Variants in UQCRC2 observed in about 807,000 individuals in gnomAD.
The protein encoded by UQCRC2 is ubiquinol-cytochrome c reductase core protein 2.
Under a neutral mutation model 55.6 loss-of-function variants are expected in UQCRC2, and 49 were observed. The observed-to-expected ratio is 0.88, with a 90% CI of 0.70 to 1.12. UQCRC2 has a LOEUF of 1.12. Ranked by LOEUF, UQCRC2 falls within the 50% of genes most tolerant of loss-of-function variation. UQCRC2 has a pLI of 0.00. For missense variants in UQCRC2, 506 were observed against 547.8 expected, an observed-to-expected ratio of 0.92 and a Z score of 0.76; for synonymous variants, 193 against 192.0, an observed-to-expected ratio of 1.01 and a Z score of -0.04.
intron 11 of UQCRC2, 93 bp from the exon 12 acceptor site, chr16:21,976,074 C>T (rs1898577507): frequency 1.3e-6 from 1 of 779,436 alleles, no homozygotes; most frequent in Non-Finnish European, 2.2e-6. Context: ...ACTAACCTTC[C>T]ATCTGTGTTT....
intron 6 of UQCRC2, among the ~76,000 whole-genome samples, 183 bp from the exon 7 acceptor site, chr16:21,965,225 G>A (rs1898297586): frequency 6.6e-6 from 1 of 152,100 alleles, no homozygotes; most frequent in Non-Finnish European, 1.5e-5. Flanking sequence ...TTTTTTCTCA[G>A]CACATTCTAC....
Position 21,983,396 on chromosome 16 carries a change from A to G in UQCRC2, c.*225A>G, listed in dbSNP as rs1898785628. ...ATGAGTTAATCAACAAGTATTTATTATGTGCTGATATCTTTGTTTTAGATG... is the reference window on the plus strand; with the variant it reads ...ATGAGTTAATCAACAAGTATTTATTGTGTGCTGATATCTTTGTTTTAGATG... On this transcript the variant is annotated 3_prime_UTR_variant, in exon 14 of 14. Coordinates refer to ENST00000268379, the MANE Select transcript of UQCRC2 (RefSeq NM_003366.4). 4.0e-6 allele frequency: 2 copies of G among 498,982 alleles called. No homozygotes were observed. Among genetic ancestry groups the G allele is most frequent in the Admixed American group, 7.5e-5 (2 of 26,742 alleles). The allele number at this position is 498,982 out of a possible 1,614,324, so 30.9% of individuals were successfully genotyped here.
intron 13 of UQCRC2, among the ~76,000 whole-genome samples, chr16:21,982,426 G>A (rs1196212756): frequency 2.0e-5 from 3 of 152,082 alleles, no homozygotes; most frequent in African/African-American, 7.2e-5. Flanking sequence ...TTGTAATACC[G>A]AAACAGGAAA....
chr16:21,965,322 G>C, intron 6 of UQCRC2, 86 bp from the exon 7 acceptor site: 1 of 1,304,470 alleles, frequency 7.7e-7, no homozygotes. Flanking sequence ...GACCAAATTT[G>C]TATAGGCTTG....
At chr16:21,969,355 G>T (rs568827419) in intron 8 of UQCRC2, among the ~76,000 whole-genome samples, 1 of 152,090 alleles carries the variant, frequency 6.6e-6, no homozygotes, top group South Asian at 2.1e-4. Flanking sequence ...CCAACATGGC[G>T]AAACCCCGTC....
At chr16:21,973,416 T>C (rs1453987078) in intron 10 of UQCRC2, among the ~76,000 whole-genome samples, 1 of 152,218 alleles carries the variant, frequency 6.6e-6, no homozygotes, top group African/African-American at 2.4e-5. Flanking sequence ...ATTCAGAGGT[T>C]AAACTCTTGA....
Position 21,953,400 on chromosome 16 carries a change from C to CGT in UQCRC2, c.-19_-18dup, listed in dbSNP as rs761657390. The CGT allele has an allele frequency of 4.3e-6, 7 of 1,612,104 alleles. No homozygotes were observed. In the Admixed American group the frequency reaches 1.0e-4, roughly 23 times the overall value. Reference sequence around the variant, plus strand: ...TGCTTTCCTTTAATCCGGCAGTGACCGTGTGTCAGAACAATCTTGAATCAT... The same window carrying CGT: ...TGCTTTCCTTTAATCCGGCAGTGACCGTGTGTGTCAGAACAATCTTGAATCAT... On this transcript the variant is annotated 5_prime_UTR_variant, in exon 1 of 14. Coordinates refer to ENST00000268379, the MANE Select transcript of UQCRC2 (RefSeq NM_003366.4).
Position 21,980,637 on chromosome 16 carries a change from T to A in UQCRC2, c.1215T>A (p.Ser405=). 6.2e-7 allele frequency: 1 copy of A among 1,614,228 alleles called. No homozygotes were observed. The highest frequency in any genetic ancestry group is 1.1e-5 in the South Asian group (1 of 91,086). Residue 405 remains serine (S), a synonymous_variant, in exon 13 of 14, where the codon TCT becomes TCA. Coordinates refer to ENST00000268379, the MANE Select transcript of UQCRC2 (RefSeq NM_003366.4). Reference sequence around the variant, plus strand: ...GGTCCCAGGCTCTAGTTGCTGGTTCTTACATGCCACCATCCACAGTCCTTC... The same window carrying A: ...GGTCCCAGGCTCTAGTTGCTGGTTCATACATGCCACCATCCACAGTCCTTC... ...EVGSQALVAG[S]YMPPSTVLQQ...
chr16:21,968,580 T>C, intron 7 of UQCRC2, 48 bp from the exon 8 acceptor site: 1 of 1,490,652 alleles, frequency 6.7e-7, no homozygotes, highest in Non-Finnish European at 9.1e-7. Flanking sequence ...TTTACAGCTT[T>C]TTATATTTAT....
chr16:21,959,651 T>C (rs1898155616), intron 4 of UQCRC2: 2 of 152,266 alleles, frequency 1.3e-5, no homozygotes, highest in Non-Finnish European at 2.9e-5. Context: ...GAATGGTGAA[T>C]TCTTTCCAGA....
At chr16:21,978,623 A>C (rs184201596) in intron 12 of UQCRC2, among the ~76,000 whole-genome samples, 11 of 152,294 alleles carry the variant, frequency 7.2e-5, no homozygotes, top group Non-Finnish European at 1.3e-4. Flanking sequence ...ACCTAGATCT[A>C]AGTTCTAGTC....
chr16:21,961,512 TG>T lies in UQCRC2; in HGVS notation c.333-947del, dbSNP rs778169162. 141 of 168,082 alleles carry T rather than the reference TG, an allele frequency of 8.4e-4. 1 individual carries two copies. Among genetic ancestry groups the T allele is most frequent in the Admixed American group, 4.0e-3 (63 of 15,936 alleles). The allele number at this position is 168,082 out of a possible 1,614,324, so 10.4% of individuals were successfully genotyped here. A position where few individuals can be genotyped will look rare whatever the true frequency, so the allele number is the denominator to read the frequency against. On this transcript the variant is annotated intron_variant, in intron 4 of 13. Coordinates refer to ENST00000268379, the MANE Select transcript of UQCRC2 (RefSeq NM_003366.4). ...AAAAATACTATGTAGTGCTTATGAT[TG>T]TGGTTTCCAGAGTGGGAGAGAGTGA... is the stretch of plus-strand genomic sequence containing the variant.
At position 21,953,557 on chromosome 16, in the gene UQCRC2, C is replaced by T. The variant is rs966897489; in HGVS notation, c.33+101C>T. The T allele has an allele frequency of 6.2e-6, 9 of 1,450,850 alleles. No homozygotes were observed. In the African/African-American group the frequency reaches 1.1e-4, roughly 18 times the overall value. 89.9% of individuals were successfully genotyped at this position (1,450,850 alleles called of 1,614,324 possible). A position where few individuals can be genotyped will look rare whatever the true frequency, so the allele number is the denominator to read the frequency against. Reference sequence around the variant, plus strand: ...GGTCTGGGGTCTGGGCCTTGGGATTCGGTCTGCCCTTCAGCTGAACCCTGC... The same window carrying T: ...GGTCTGGGGTCTGGGCCTTGGGATTTGGTCTGCCCTTCAGCTGAACCCTGC... On this transcript the variant is annotated intron_variant, in intron 1 of 13. Transcript: ENST00000268379.
intron 1 of UQCRC2, among the ~76,000 whole-genome samples, chr16:21,956,354 A>G (rs1898086438): frequency 6.6e-6 from 1 of 152,048 alleles, no homozygotes; most frequent in Non-Finnish European, 1.5e-5. Context: ...GACCAGCCTG[A>G]GCTATGGGGT....
At chr16:21,961,662 ATATATATT>A (rs1898207288) in intron 4 of UQCRC2, among the ~76,000 whole-genome samples, 2 of 98,324 alleles carry the variant, frequency 2.0e-5, no homozygotes, top group Non-Finnish European at 3.8e-5. Context: ...ATATATATAT[ATATATATT>A]TTAGACAGTC....
intron 9 of UQCRC2, 133 bp from the exon 10 acceptor site, chr16:21,971,790 G>A: frequency 7.3e-7 from 1 of 1,366,496 alleles, no homozygotes; most frequent in Non-Finnish European, 1.0e-6. Flanking sequence ...TTTGGGGACA[G>A]GATGGCATGG....
intron 11 of UQCRC2, among the ~76,000 whole-genome samples, chr16:21,975,030 C>T (rs1447081908): frequency 6.6e-6 from 1 of 152,020 alleles, no homozygotes; most frequent in Non-Finnish European, 1.5e-5. Flanking sequence ...TCAGCGACCA[C>T]AAATTCATAG....
chr16:21,959,517 C>T (rs1212045472), intron 4 of UQCRC2: 1 of 155,714 alleles, frequency 6.4e-6, no homozygotes, highest in Non-Finnish European at 1.4e-5. Flanking sequence ...GCAGTTTCTT[C>T]CCCCTCTGAA....
intron 9 of UQCRC2, 142 bp from the exon 10 acceptor site, chr16:21,971,781 T>G: frequency 1.5e-6 from 2 of 1,344,040 alleles, no homozygotes; most frequent in Non-Finnish European, 2.1e-6. Flanking sequence ...TTGTGTGTGT[T>G]TGGGGACAGG....
Sources: allele counts gnomAD v4.1 joint callset (sites outside exome capture counted in the v4.1 genomes callset), GRCh38; gene constraint gnomAD v4.1.1; transcripts MANE v1.5; gene names NCBI Gene and HGNC (gene_info 2026-07-23, HGNC 2026-07-21).